IL18R1: variants seen among roughly 807,000 people sequenced by gnomAD.
IL18R1 encodes the protein interleukin 18 receptor 1.
IL18R1 carries 40 observed loss-of-function variants against 48.5 expected under a neutral mutation model. That is an observed-to-expected ratio of 0.82 (90% confidence interval 0.64 to 1.07). The LOEUF is 1.07. Ranked by LOEUF, IL18R1 falls within the 50% of genes least tolerant of loss-of-function variation. The pLI is 0.00. For synonymous variants in IL18R1, 232 were observed against 225.9 expected (o/e 1.03, Z -0.24); for missense variants, 596 against 633.7 (o/e 0.94, Z 0.64).
intron 6 of IL18R1, among the ~76,000 whole-genome samples, chr2:102,383,171 C>G (rs1030980620): frequency 6.6e-6 from 1 of 152,264 alleles, no homozygotes; most frequent in East Asian, 1.9e-4. Flanking sequence ...TCATTTCAAC[C>G]TTTTGGAATT....
At position 102,381,475 on chromosome 2, in the gene IL18R1, G is replaced by A. The variant is rs1679912800; in HGVS notation, c.626-145G>A. 8 of 627,720 alleles carry A rather than the reference G, an allele frequency of 1.3e-5. No individual in the cohort carries two copies. In the South Asian group the frequency reaches 1.5e-4, roughly 12 times the overall value. 38.9% of individuals were successfully genotyped at this position (627,720 alleles called of 1,614,324 possible). A position where few individuals can be genotyped will look rare whatever the true frequency, so the allele number is the denominator to read the frequency against. On this transcript the variant is annotated intron_variant, in intron 5 of 10. Transcript: ENST00000233957. ...GTGCTTTCAACATCTGTGACCTTTA[G>A]TTAATGCAAATAGGACTCAAGTGAA...
At chr2:102,360,621 T>C (rs911422530) in intron 1 of IL18R1, among the ~76,000 whole-genome samples, 2 of 152,208 alleles carry the variant, frequency 1.3e-5, no homozygotes, top group Non-Finnish European at 2.9e-5. Flanking sequence ...GTTAAAATAT[T>C]ATACATGTTG....
At position 102,386,903 on chromosome 2, in the gene IL18R1, T is replaced by A; in HGVS notation, c.852T>A (p.Ile284=). ...GGCATGCTTCAAAAGTATTGAGAAT[T>A]GAAAATATTGGTGAAAGCAATCTAA... The part of the protein sequence containing the change: ...GKWHASKVLR[I]ENIGESNLNV... Residue 284 remains isoleucine (I), a synonymous_variant, in exon 8 of 11, where the codon ATT becomes ATA. Coordinates refer to ENST00000233957, the MANE Select transcript of IL18R1 (RefSeq NM_003855.5). 6.2e-7 allele frequency: 1 copy of A among 1,614,148 alleles called. No homozygotes were observed. The highest frequency in any genetic ancestry group is 8.5e-7 in the Non-Finnish European group (1 of 1,179,998).
Position 102,362,771 on chromosome 2 carries a change from T to A in IL18R1, c.58+53T>A. On this transcript the variant is annotated intron_variant, in intron 2 of 10. Transcript: ENST00000233957. ...TATTTCATGAGTAATTGAGGAAGAA[T>A]GTCAAAGTTTTTTTTTTTATGTGGT... 7 of 1,215,396 alleles carry A rather than the reference T, an allele frequency of 5.8e-6. No homozygotes were observed. The South Asian group carries it at 7.0e-5, about 12-fold the overall frequency. The allele number at this position is 1,215,396 out of a possible 1,614,324, so 75.3% of individuals were successfully genotyped here.
chr2:102,380,333 CT>C (rs1237461132), intron 5 of IL18R1, among the ~76,000 whole-genome samples: 1 of 152,188 alleles, frequency 6.6e-6, no homozygotes, highest in East Asian at 1.9e-4. Flanking sequence ...CACACTGCCC[CT>C]TCTCAAGTCT....
Position 102,396,856 on chromosome 2 carries a change from G to A in IL18R1, c.1596G>A (p.Pro532=), listed in dbSNP as rs889515892. ...CAGTCAAGCCAGGTAGAGACGAACCGGAAGTCTTGCCTGTTCTTTCCGAGT... is the reference window on the plus strand; with the variant it reads ...CAGTCAAGCCAGGTAGAGACGAACCAGAAGTCTTGCCTGTTCTTTCCGAGT... ...AKTVKPGRDE[P]EVLPVLSES The change falls in exon 11 of 11, where the codon CCG becomes CCA. Residue 532 remains proline (P), a synonymous_variant. Transcript: ENST00000233957. The A allele has an allele frequency of 3.7e-6, 6 of 1,600,150 alleles. No individual in the cohort carries two copies. The highest frequency in any genetic ancestry group is 1.7e-4 in the Middle Eastern group (1 of 5,956).
Position 102,356,207 on chromosome 2 carries a change from C to CTTTT in IL18R1, c.-210_-207dup, listed in dbSNP as rs397872910. 15 of 177,866 alleles carry CTTTT rather than the reference C, an allele frequency of 8.4e-5. No homozygotes were observed. The highest frequency in any genetic ancestry group is 1.1e-4 in the Non-Finnish European group (11 of 98,040). The allele number at this position is 177,866 out of a possible 1,614,324, so 11.0% of individuals were successfully genotyped here. On this transcript the variant is annotated 5_prime_UTR_variant, in exon 1 of 11. Coordinates refer to ENST00000233957, the MANE Select transcript of IL18R1 (RefSeq NM_003855.5). ...GTTCCTACTTTTTTTCCTTCTTCTTCTTTTTTTTTTTTTTTGTAGCCCTCT... is the reference window on the plus strand; with the variant it reads ...GTTCCTACTTTTTTTCCTTCTTCTTCTTTTTTTTTTTTTTTTTTTGTAGCCCTCT...
At chr2:102,388,644 G>C (rs1680384074) in intron 8 of IL18R1, among the ~76,000 whole-genome samples, 2 of 152,124 alleles carry the variant, frequency 1.3e-5, no homozygotes, top group Non-Finnish European at 1.5e-5. Context: ...TCCTGCTGCT[G>C]CTCTCACAAA....
At chr2:102,372,154 A>T in intron 4 of IL18R1, 36 bp downstream of exon 4, 1 of 1,502,950 alleles carries the variant, frequency 6.7e-7, no homozygotes, top group Non-Finnish European at 9.0e-7. Context: ...TTAAGACTTG[A>T]TGGAAAAGAT....
intron 1 of IL18R1, among the ~76,000 whole-genome samples, chr2:102,361,077 A>G (rs6710885): frequency 0.34 from 51,004 of 152,152 alleles, 9,029 homozygotes; most frequent in Middle Eastern, 0.53. Flanking sequence ...TTGCTGAGCC[A>G]TCTCCTGATA....
At chr2:102,382,448 G>T (rs1278387692) in intron 6 of IL18R1, among the ~76,000 whole-genome samples, 1 of 152,084 alleles carries the variant, frequency 6.6e-6, no homozygotes, top group African/African-American at 2.4e-5. Flanking sequence ...GAATCAACAT[G>T]TCCAATTGAG....
chr2:102,380,605 C>T (rs963099010), intron 5 of IL18R1, among the ~76,000 whole-genome samples: 1 of 152,190 alleles, frequency 6.6e-6, no homozygotes, highest in Admixed American at 6.5e-5. Context: ...GTCCACTGTG[C>T]TGGTTTCATT....
chr2:102,371,367 C>T (rs1394602808), intron 3 of IL18R1, among the ~76,000 whole-genome samples: 4 of 152,082 alleles, frequency 2.6e-5, no homozygotes, highest in African/African-American at 9.7e-5. Context: ...GGAGTAACAA[C>T]AACTATAAAA....
At chr2:102,369,633 C>T (rs1435510247) in intron 3 of IL18R1, among the ~76,000 whole-genome samples, 1 of 152,148 alleles carries the variant, frequency 6.6e-6, no homozygotes, top group Non-Finnish European at 1.5e-5. Context: ...TCAAATATAG[C>T]ATAATTAGTA....
intron 8 of IL18R1, among the ~76,000 whole-genome samples, chr2:102,387,308 C>T (rs894709124): frequency 2.6e-5 from 4 of 152,216 alleles, no homozygotes; most frequent in South Asian, 2.1e-4. Flanking sequence ...ACAACCCCTG[C>T]ACCCAGCACT....
At chr2:102,370,992 T>C (rs996835058) in intron 3 of IL18R1, among the ~76,000 whole-genome samples, 7 of 152,186 alleles carry the variant, frequency 4.6e-5, no homozygotes, top group Admixed American at 6.5e-5. Flanking sequence ...ACATTTTCTC[T>C]TTAAAATCTT....
intron 2 of IL18R1, among the ~76,000 whole-genome samples, chr2:102,365,246 G>C (rs1678819930): frequency 1.3e-5 from 2 of 152,178 alleles, no homozygotes; most frequent in African/African-American, 4.8e-5. Context: ...GATACAATGG[G>C]AGTACAGGCA....
chr2:102,368,106 C>G (rs1679022927), intron 3 of IL18R1, 38 bp downstream of exon 3: 20 of 1,608,372 alleles, frequency 1.2e-5, no homozygotes, highest in Non-Finnish European at 1.6e-5. Flanking sequence ...ATTTCACAGC[C>G]CTCTTGTCCT....
At chr2:102,377,958 A>G (rs1017748492) in intron 5 of IL18R1, among the ~76,000 whole-genome samples, 1 of 152,262 alleles carries the variant, frequency 6.6e-6, no homozygotes, top group Non-Finnish European at 1.5e-5. Context: ...TGGGAAACCC[A>G]TAACTGAATT....
Sources: gnomAD v4.1 joint callset for allele counts (sites outside exome capture counted in the v4.1 genomes callset) on GRCh38, gnomAD v4.1.1 for gene constraint, MANE v1.5 for transcripts, NCBI Gene and HGNC (gene_info 2026-07-23, HGNC 2026-07-21) for gene names.